ACER2: variants seen among roughly 807,000 people sequenced by gnomAD.
ACER2 encodes alkCDase 2.
In ACER2, 26 loss-of-function variants were observed where a neutral mutation model predicts 34.7. The ratio of observed to expected loss-of-function variants is 0.75; its 90% CI spans 0.55 to 1.04. The LOEUF is 1.04. Ranked by LOEUF, ACER2 falls within the 50% of genes least tolerant of loss-of-function variation. The pLI is 0.00. For missense variants in ACER2, 352 were observed against 340.8 expected (o/e 1.03, Z -0.26); for synonymous variants, 138 against 132.1 (o/e 1.04, Z -0.31).
chr9:19,429,835 G>A (rs1830692747), intron 3 of ACER2, among the ~76,000 whole-genome samples: 2 of 152,152 alleles, frequency 1.3e-5, no homozygotes, highest in Admixed American at 1.3e-4. Context: ...TAACAGGGTT[G>A]AAGTAGCTCT....
At position 19,409,191 on chromosome 9, in the gene ACER2, C is replaced by T; in HGVS notation, c.107C>T (p.Thr36Met). 2 of 1,580,830 alleles carry T rather than the reference C, an allele frequency of 1.3e-6. No individual in the cohort carries two copies. The highest frequency in any genetic ancestry group is 8.6e-7 in the Non-Finnish European group (1 of 1,163,722). The change falls in exon 1 of 6, where the codon ACG becomes ATG. Residue 36 changes from threonine (T) to methionine (M), a missense_variant and splice_region_variant. By Grantham distance (81) the Thr-to-Met change is moderately conservative. Transcript: ENST00000340967. ...IVPAIAEFYN[T>M]ISNVLFFILP... ...CCTGCTATCGCCGAGTTCTACAACA[C>T]GGTGCGGGGCGCGGGAGCGGGGAAG...
chr9:19,409,334 C>T (rs975566696), intron 1 of ACER2, 142 bp downstream of exon 1: 3 of 721,756 alleles, frequency 4.2e-6, no homozygotes, highest in African/African-American at 3.6e-5. Flanking sequence ...CACACCCCCT[C>T]CTCGGCGCGC....
At chr9:19,420,276 A>G (rs946468649) in intron 1 of ACER2, among the ~76,000 whole-genome samples, 4 of 152,288 alleles carry the variant, frequency 2.6e-5, no homozygotes, top group Non-Finnish European at 2.9e-5. Flanking sequence ...TGCACAGTTC[A>G]TCAACCCTAT....
At chr9:19,434,074 A>G (rs1408388195) in intron 3 of ACER2, among the ~76,000 whole-genome samples, 1 of 125,672 alleles carries the variant, frequency 8.0e-6, no homozygotes, top group African/African-American at 3.1e-5. Context: ...CCGGGCAGAG[A>G]CGCTCCTCAC....
At chr9:19,421,043 T>C (rs1237521520) in intron 1 of ACER2, among the ~76,000 whole-genome samples, 1 of 152,192 alleles carries the variant, frequency 6.6e-6, no homozygotes, top group African/African-American at 2.4e-5. Flanking sequence ...GGCCATATGG[T>C]ATGGCCTATT....
chr9:19,448,004 C>CTTTTG (rs1831423795), intron 5 of ACER2, among the ~76,000 whole-genome samples: 8 of 109,900 alleles, frequency 7.3e-5, no homozygotes, highest in Admixed American at 2.3e-4. Context: ...ACGATGCAAA[C>CTTTTG]TTTTTTTTTT....
intron 3 of ACER2, among the ~76,000 whole-genome samples, chr9:19,432,564 GGGTGTA>G (rs978742481): frequency 1.4e-5 from 2 of 141,836 alleles, no homozygotes; most frequent in Non-Finnish European, 3.1e-5. Flanking sequence ...GTGTGTGTGT[GGGTGTA>G]TGTGTGTGTA....
Position 19,446,371 on chromosome 9 carries a change from C to G in ACER2, c.594C>G (p.Phe198Leu), listed in dbSNP as rs1405635512. The change falls in exon 5 of 6, where the codon TTC becomes TTG. Residue 198 changes from phenylalanine (F) to leucine (L), a missense_variant. Coordinates refer to ENST00000340967, the MANE Select transcript of ACER2 (RefSeq NM_001010887.3). ...TCTGCTGGATCAGTGACCGAGCTTTCTGCGAGCTGCTGTCATCCTTCAACT... is the reference window on the plus strand; with the variant it reads ...TCTGCTGGATCAGTGACCGAGCTTTGTGCGAGCTGCTGTCATCCTTCAACT... ...ALFCWISDRA[F>L]CELLSSFNFP... 1.2e-6 allele frequency: 2 copies of G among 1,614,186 alleles called. No individual in the cohort carries two copies. Among genetic ancestry groups the G allele is most frequent in the Non-Finnish European group, 1.7e-6 (2 of 1,180,044 alleles).
At chr9:19,432,602 A>C (rs1167338978) in intron 3 of ACER2, among the ~76,000 whole-genome samples, 1 of 148,734 alleles carries the variant, frequency 6.7e-6, no homozygotes, top group Non-Finnish European at 1.5e-5. Flanking sequence ...TATTAAATAT[A>C]ATTTTTATTT....
At chr9:19,443,968 C>T (rs902295428) in intron 4 of ACER2, among the ~76,000 whole-genome samples, 3 of 151,834 alleles carry the variant, frequency 2.0e-5, no homozygotes, top group Admixed American at 1.3e-4. Context: ...TAGTTTAATA[C>T]CAGATGTTAC....
Position 19,451,991 on chromosome 9 carries a change from G to C in ACER2, c.*1355G>C, listed in dbSNP as rs1344079089. ...TAGCTATGCACTCACGGGCTGGTTT[G>C]GGTCGCTGGTGCAGCAGCGCAAATC... On this transcript the variant is annotated 3_prime_UTR_variant, in exon 6 of 6. Transcript: ENST00000340967. 6.6e-6 allele frequency: 1 copy of C among 152,532 alleles called. No homozygotes were observed. Among genetic ancestry groups the C allele is most frequent in the Non-Finnish European group, 1.5e-5 (1 of 68,038 alleles). 9.4% of individuals were successfully genotyped at this position (152,532 alleles called of 1,614,324 possible). A position where few individuals can be genotyped will look rare whatever the true frequency, so the allele number is the denominator to read the frequency against.
Position 19,409,090 on chromosome 9 carries a change from C to T in ACER2, c.6C>T (p.Gly2=), listed in dbSNP as rs1445210643. The T allele has an allele frequency of 2.5e-6, 4 of 1,585,964 alleles. No homozygotes were observed. Among genetic ancestry groups the T allele is most frequent in the Admixed American group, 1.8e-5 (1 of 55,928 alleles). ...TCCAATGCCCCGGAGTGGCCATGGGCGCCCCGCACTGGTGGGACCAGCTGC... is the reference window on the plus strand; with the variant it reads ...TCCAATGCCCCGGAGTGGCCATGGGTGCCCCGCACTGGTGGGACCAGCTGC... The part of the protein sequence containing the change: M[G]APHWWDQLQA... The change falls in exon 1 of 6, where the codon GGC becomes GGT. Residue 2 remains glycine, a synonymous_variant. Coordinates refer to ENST00000340967, the MANE Select transcript of ACER2 (RefSeq NM_001010887.3).
At position 19,449,344 on chromosome 9, in the gene ACER2, C is replaced by G. The variant is rs367964193; in HGVS notation, c.642-1106C>G. On this transcript the variant is annotated intron_variant, in intron 5 of 5. Coordinates refer to ENST00000340967, the MANE Select transcript of ACER2 (RefSeq NM_001010887.3). ...TGGTTCATACCATTCTCACCTACTT[C>G]CCACCCTGACCCTGATTAATTTCTT... 5.1e-4 allele frequency among the ~76,000 whole-genome samples: 77 copies of G among 152,320 alleles called. 1 individual carries two copies. The South Asian group carries it at 0.014, about 28-fold the overall frequency.
At chr9:19,436,449 A>T (rs1177727396) in intron 4 of ACER2, among the ~76,000 whole-genome samples, 3 of 152,246 alleles carry the variant, frequency 2.0e-5, no homozygotes, top group African/African-American at 7.2e-5. Context: ...ACTAAATAAA[A>T]ATAAAATAAC....
intron 3 of ACER2, among the ~76,000 whole-genome samples, chr9:19,433,737 A>G (rs577289068): frequency 0.021 from 3,215 of 151,772 alleles, 107 homozygotes; most frequent in African/African-American, 0.073. Flanking sequence ...GCGGCCGGGC[A>G]GAGGCACCCC....
intron 1 of ACER2, among the ~76,000 whole-genome samples, chr9:19,418,841 A>G (rs190000667): frequency 6.6e-6 from 1 of 152,310 alleles, no homozygotes; most frequent in African/African-American, 2.4e-5. Context: ...CTTAAAGTGT[A>G]ATTAAAAAAA....
At chr9:19,430,817 G>C (rs931098631) in intron 3 of ACER2, among the ~76,000 whole-genome samples, 7 of 152,018 alleles carry the variant, frequency 4.6e-5, no homozygotes, top group Non-Finnish European at 1.0e-4. Context: ...AATTAGCTTA[G>C]GGTGGTGGCA....
intron 5 of ACER2, chr9:19,446,784 G>C (rs975701174): frequency 2.7e-5 from 10 of 373,712 alleles, no homozygotes; most frequent in African/African-American, 6.6e-5. Flanking sequence ...GGTGATGTGA[G>C]GGCTGGGAGG....
chr9:19,441,209 C>G (rs899497361), intron 4 of ACER2, among the ~76,000 whole-genome samples: 2 of 152,066 alleles, frequency 1.3e-5, no homozygotes, highest in Non-Finnish European at 2.9e-5. Flanking sequence ...GCCACCATGC[C>G]TGGCTACTTT....
Sources: allele counts gnomAD v4.1 joint callset (sites outside exome capture counted in the v4.1 genomes callset), GRCh38; gene constraint gnomAD v4.1.1; transcripts MANE v1.5; gene names NCBI Gene and HGNC (gene_info 2026-07-23, HGNC 2026-07-21).